ESYT3: variants seen among roughly 807,000 people sequenced by gnomAD.
ESYT3 encodes the protein extended synaptotagmin-3.
Under a neutral mutation model 111.5 loss-of-function variants are expected in ESYT3, and 101 were observed. The ratio of observed to expected loss-of-function variants is 0.91; its 90% confidence interval spans 0.77 to 1.07. The LOEUF (loss-of-function observed/expected upper bound fraction) is 1.07, where lower values mean the gene tolerates loss of function less well. ESYT3 is among the 50% of genes least tolerant of loss of function. ESYT3 has a pLI of 0.00. For synonymous variants in ESYT3, 416 were observed against 446.8 expected (o/e 0.93, Z 0.87); for missense variants, 1,097 against 1,109.4 (o/e 0.99, Z 0.16).
At chr3:138,439,070 A>G (rs560190354) in intron 1 of ESYT3, among the ~76,000 whole-genome samples, 15 of 152,004 alleles carry the variant, frequency 9.9e-5, no homozygotes, top group Non-Finnish European at 1.9e-4. Flanking sequence ...GGAGCCCTTG[A>G]TATTACTCAT....
rs563118984 is a variant in ESYT3 at position 138,466,389 on chromosome 3, A to G, written c.1169+968A>G. 2.0e-5 allele frequency among the ~76,000 whole-genome samples: 3 copies of G among 152,364 alleles called. No individual in the cohort carries two copies. In the East Asian group the frequency reaches 5.8e-4, roughly 29 times the overall value. ...ACAGTTTCAGAAACAAGCAGAATCT[A>G]TGTGTATTATTAGCCTGGATGTTAA... On this transcript the variant is annotated intron_variant, in intron 10 of 22. Coordinates refer to ENST00000389567, the MANE Select transcript of ESYT3 (RefSeq NM_031913.5).
In ESYT3 at chr3:138,462,191, C is replaced by G. The variant is rs1297458163; in HGVS notation, c.900C>G (p.Arg300=). ...AGGGGCTGGATCTGACCAACCTGCG[C>G]TTCCCTCTGCCCTGTGTGAGTACCC... ...VKKGLDLTNL[R]FPLPCGVIRV... Residue 300 remains arginine (R), a synonymous_variant, in exon 8 of 23, where the codon CGC becomes CGG. Transcript: ENST00000389567. The G allele has an allele frequency of 6.2e-7, 1 of 1,614,256 alleles. No individual in the cohort carries two copies. The highest frequency in any genetic ancestry group is 1.1e-5 in the South Asian group (1 of 91,086).
chr3:138,479,907 G>A lies in ESYT3; in HGVS notation c.*3053G>A, dbSNP rs1449935682. 1 of 152,150 alleles carries A rather than the reference G, an allele frequency of 6.6e-6. No homozygotes were observed. The highest frequency in any genetic ancestry group is 1.5e-5 in the Non-Finnish European group (1 of 68,026). The allele number at this position is 152,150 out of a possible 1,614,324, so 9.4% of individuals were successfully genotyped here. A position where few individuals can be genotyped will look rare whatever the true frequency, so the allele number is the denominator to read the frequency against. On this transcript the variant is annotated 3_prime_UTR_variant, in exon 23 of 23. Transcript: ENST00000389567. ...CTACCCCGTTTAGTAGTAAATACAA[G>A]AATTGCTAACTAGTAAAAGGTGGTT... is the stretch of plus-strand genomic sequence containing the variant.
chr3:138,444,584 C>G (rs1176421824), intron 1 of ESYT3, among the ~76,000 whole-genome samples: 1 of 152,210 alleles, frequency 6.6e-6, no homozygotes, highest in African/African-American at 2.4e-5. Context: ...AAACCTGAGG[C>G]TGAAGGGAGT....
At chr3:138,445,597 A>G (rs779641701) in intron 1 of ESYT3, among the ~76,000 whole-genome samples, 3 of 152,228 alleles carry the variant, frequency 2.0e-5, no homozygotes, top group Non-Finnish European at 4.4e-5. Context: ...GAAACTCAGC[A>G]GAGAATTTGC....
intron 7 of ESYT3, 79 bp from the exon 8 acceptor site, chr3:138,462,007 T>C: frequency 6.2e-7 from 1 of 1,601,826 alleles, no homozygotes; most frequent in Non-Finnish European, 8.5e-7. Flanking sequence ...GGGCTCCTGG[T>C]TCCTGCTAGG....
At position 138,476,988 on chromosome 3, in the gene ESYT3, A is replaced by C. The variant is rs2033516702; in HGVS notation, c.*134A>C. On this transcript the variant is annotated 3_prime_UTR_variant, in exon 23 of 23. Coordinates refer to ENST00000389567, the MANE Select transcript of ESYT3 (RefSeq NM_031913.5). ...AGAACAACCACTTGAAATTATATAC[A>C]TACAATTCTTGTGTGGAATTTAACT... 1.7e-6 allele frequency: 1 copy of C among 580,886 alleles called. No homozygotes were observed. 36.0% of individuals were successfully genotyped at this position (580,886 alleles called of 1,614,324 possible). A position where few individuals can be genotyped will look rare whatever the true frequency, so the allele number is the denominator to read the frequency against.
chr3:138,472,068 T>C (rs1315627425), intron 17 of ESYT3, among the ~76,000 whole-genome samples: 1 of 152,232 alleles, frequency 6.6e-6, no homozygotes, highest in Non-Finnish European at 1.5e-5. Context: ...AAGGTTGATA[T>C]ACAACCCTAG....
At position 138,452,071 on chromosome 3, in the gene ESYT3, G is replaced by A. The variant is rs371481245; in HGVS notation, c.351G>A (p.Arg117=). ...PAWIHFPDVE[R]VEWANKIISQ... ...AGATCCACTTCCCGGACGTGGAGCGGGTCGAGTGGGCCAACAAGGTAAGGC... is the reference window on the plus strand; with the variant it reads ...AGATCCACTTCCCGGACGTGGAGCGAGTCGAGTGGGCCAACAAGGTAAGGC... Residue 117 remains arginine, a synonymous_variant, in exon 2 of 23, where the codon CGG becomes CGA. Coordinates refer to ENST00000389567, the MANE Select transcript of ESYT3 (RefSeq NM_031913.5). 7 of 1,612,950 alleles carry A rather than the reference G, an allele frequency of 4.3e-6. No homozygotes were observed. The highest frequency in any genetic ancestry group is 4.0e-5 in the African/African-American group (3 of 74,936).
At chr3:138,460,105 T>C (rs1343040969) in intron 6 of ESYT3, 71 bp downstream of exon 6, 14 of 1,414,486 alleles carry the variant, frequency 9.9e-6, no homozygotes, top group African/African-American at 5.7e-5. Flanking sequence ...GCCCTAGACA[T>C]TGGGTTTGAG....
At chr3:138,473,427 C>A in intron 18 of ESYT3, 109 bp from the exon 19 acceptor site, 1 of 909,390 alleles carries the variant, frequency 1.1e-6, no homozygotes, top group Non-Finnish European at 1.7e-6. Context: ...AATTATTATC[C>A]TACATGGCTC....
In ESYT3 at chr3:138,435,144, G is replaced by T; in HGVS notation, c.327+19G>T. 6.4e-7 allele frequency: 1 copy of T among 1,551,810 alleles called. No homozygotes were observed. Among genetic ancestry groups the T allele is most frequent in the Non-Finnish European group, 8.7e-7 (1 of 1,149,570 alleles). On this transcript the variant is annotated intron_variant, in intron 1 of 22. Transcript: ENST00000389567. This position sits in a 1 kb window ranked among gnomAD's most constrained non-coding sequence, Gnocchi z 4.8. Reference sequence around the variant, plus strand: ...AGCCTGGGTGAGCCAAGCCGGGTGGGAGTGGGAGGTGGGGAGATGCCTTTC... The same window carrying T: ...AGCCTGGGTGAGCCAAGCCGGGTGGTAGTGGGAGGTGGGGAGATGCCTTTC...
chr3:138,462,189 C>A lies in ESYT3; in HGVS notation c.898C>A (p.Arg300Ser), dbSNP rs140959397. Residue 300 changes from arginine (R) to serine (S), a missense_variant, in exon 8 of 23, where the codon CGC becomes AGC. Transcript: ENST00000389567. ...VKKGLDLTNLRFPLPCGVIRV... is the reference protein window; with the variant it reads ...VKKGLDLTNLSFPLPCGVIRV... ...GAAGGGGCTGGATCTGACCAACCTG[C>A]GCTTCCCTCTGCCCTGTGTGAGTAC... 1 of 1,614,212 alleles carries A rather than the reference C, an allele frequency of 6.2e-7. No homozygotes were observed. The highest frequency in any genetic ancestry group is 8.5e-7 in the Non-Finnish European group (1 of 1,180,042).
chr3:138,445,563 T>C lies in ESYT3; in HGVS notation c.328-6485T>C, dbSNP rs149331373. ...TCCTCCTCATTCTCTGTTCTCGCCT[T>C]GCAGTGGTGGCCAGAGGCACTAGGA... On this transcript the variant is annotated intron_variant, in intron 1 of 22. Transcript: ENST00000389567. Among the ~76,000 whole-genome samples the C allele has an allele frequency of 2.0e-5, 3 of 152,322 alleles. No homozygotes were observed. The East Asian group carries it at 5.8e-4, about 29-fold the overall frequency.
In ESYT3 at chr3:138,459,950, G is replaced by C; in HGVS notation, c.654G>C (p.Gln218His). 1 of 1,613,870 alleles carries C rather than the reference G, an allele frequency of 6.2e-7. No homozygotes were observed. The highest frequency in any genetic ancestry group is 8.5e-7 in the Non-Finnish European group (1 of 1,179,858). Reference protein sequence around the residue: ...IQAGVNGIQLQGTLRVILEPL... With the variant: ...IQAGVNGIQLHGTLRVILEPL... ...GGCCCTCTGTGCCTATCCAGTTGCA[G>C]GGCACCCTGCGGGTCATCCTGGAGC... is the stretch of plus-strand genomic sequence containing the variant. The change falls in exon 6 of 23, where the codon CAG becomes CAC. Residue 218 changes from glutamine to histidine, a missense_variant. Transcript: ENST00000389567.
In ESYT3 at chr3:138,452,049, T is replaced by G. The variant is rs149154169; in HGVS notation, c.329T>G (p.Ile110Ser). 1 of 1,613,518 alleles carries G rather than the reference T, an allele frequency of 6.2e-7. No homozygotes were observed. Residue 110 changes from isoleucine to serine, a missense_variant and splice_region_variant, in exon 2 of 23, where the codon ATC becomes AGC. Coordinates refer to ENST00000389567, the MANE Select transcript of ESYT3 (RefSeq NM_031913.5). The stretch of plus-strand genomic sequence containing the variant: ...TTCCCCTCGGGGCTTCTTTCCTAGA[T>G]CCACTTCCCGGACGTGGAGCGGGTC... ...ELRGQHLPAW[I>S]HFPDVERVEW... is the part of the protein sequence containing the mutation.
intron 4 of ESYT3, among the ~76,000 whole-genome samples, chr3:138,458,896 C>G (rs112151476): frequency 2.6e-5 from 4 of 152,278 alleles, no homozygotes; most frequent in African/African-American, 9.6e-5. Context: ...GAGGTGAGTG[C>G]CTGGAATCAC....
chr3:138,464,676 C>T (rs956649906), intron 9 of ESYT3, among the ~76,000 whole-genome samples, 161 bp downstream of exon 9: 2 of 152,126 alleles, frequency 1.3e-5, no homozygotes, highest in South Asian at 2.1e-4. Flanking sequence ...TACTCTGGCC[C>T]GACTAAAGGG....
intron 6 of ESYT3, 95 bp from the exon 7 acceptor site, chr3:138,460,516 T>G: frequency 7.4e-7 from 1 of 1,343,954 alleles, no homozygotes. Flanking sequence ...AAGGCTGGGT[T>G]CTCCATTCAC....
Sources: gnomAD v4.1 joint callset for allele counts (sites outside exome capture counted in the v4.1 genomes callset) on GRCh38, gnomAD v4.1.1 for gene constraint, Gnocchi (gnomAD v3.1) non-coding constraint, MANE v1.5 for transcripts, NCBI Gene and HGNC (gene_info 2026-07-23, HGNC 2026-07-21) for gene names.